Variants in TTLL11 observed in about 807,000 individuals in gnomAD.
The protein encoded by TTLL11 is tubulin tyrosine ligase like 11.
TTLL11 carries 42 observed loss-of-function variants against 51.7 expected under a neutral mutation model. The observed-to-expected ratio is 0.81, with a 90% CI of 0.64 to 1.05. The LOEUF is 1.05. Among genes scored for constraint, TTLL11 ranks in the 50% least tolerant of loss-of-function variants. The probability of loss-of-function intolerance (pLI) is 0.00; values close to 1 mark genes in which losing one functional copy is unlikely to be tolerated. For missense variants in TTLL11, 799 were observed against 940.4 expected (o/e 0.85, Z 1.97); for synonymous variants, 381 against 383.5 (o/e 0.99, Z 0.08).
chr9:122,039,516 C>T, intron 1 of TTLL11, 148 bp from the exon 2 acceptor site: 1 of 592,432 alleles, frequency 1.7e-6, no homozygotes, highest in Admixed American at 3.1e-5. Flanking sequence ...ATATTCTTTG[C>T]CATTTTACAG....
At chr9:121,993,929 C>A (rs960490417) in intron 3 of TTLL11, among the ~76,000 whole-genome samples, 4 of 152,288 alleles carry the variant, frequency 2.6e-5, no homozygotes, top group African/African-American at 9.6e-5. Context: ...GTCACAGGTA[C>A]ACGCTACAGA....
At chr9:122,017,705 C>T (rs1052130948) in intron 3 of TTLL11, among the ~76,000 whole-genome samples, 1 of 152,148 alleles carries the variant, frequency 6.6e-6, no homozygotes, top group African/African-American at 2.4e-5. Flanking sequence ...TTGTGATCTG[C>T]CTGTCTTGGC....
intron 8 of TTLL11, among the ~76,000 whole-genome samples, chr9:121,842,021 C>A (rs985876333): frequency 2.6e-5 from 4 of 152,112 alleles, no homozygotes; most frequent in Admixed American, 2.6e-4. Context: ...CTGCCTTCTT[C>A]CACCTCTCAG....
chr9:122,035,459 C>G (rs935168663), intron 2 of TTLL11, among the ~76,000 whole-genome samples: 1 of 152,254 alleles, frequency 6.6e-6, no homozygotes, highest in African/African-American at 2.4e-5. Flanking sequence ...AGTTAACTGA[C>G]AGCATAACAG....
At chr9:121,973,366 G>A (rs1398310352) in intron 6 of TTLL11, among the ~76,000 whole-genome samples, 1 of 152,194 alleles carries the variant, frequency 6.6e-6, no homozygotes, top group Non-Finnish European at 1.5e-5. Context: ...CCATGTCCTA[G>A]TTACCTATGG....
At chr9:121,889,698 G>C (rs2131438870) in intron 6 of TTLL11, among the ~76,000 whole-genome samples, 1 of 152,316 alleles carries the variant, frequency 6.6e-6, no homozygotes, top group South Asian at 2.1e-4. Context: ...TCAGGAGTTT[G>C]AGACCAGCCT....
rs146217453 is a variant in TTLL11 at position 121,987,183 on chromosome 9, C to T, written c.1269+2012G>A. 6.4e-3 allele frequency among the ~76,000 whole-genome samples: 970 copies of T among 152,200 alleles called. 10 individuals carry two copies. The highest frequency in any genetic ancestry group is 0.023 in the African/African-American group (943 of 41,506). On this transcript the variant is annotated intron_variant, in intron 4 of 8. Transcript: ENST00000321582. The stretch of plus-strand genomic sequence containing the variant: ...GGGTAATGTCTACCCCAGGGCTGGG[C>T]AGGGACATGGTTTGGGGCAGAAACA...
In TTLL11 at chr9:121,931,583, T is replaced by TAA. The variant is rs1564311677; in HGVS notation, c.1481+42425_1481+42426insTT. On this transcript the variant is annotated intron_variant, in intron 6 of 8. Coordinates refer to ENST00000321582, the MANE Select transcript of TTLL11 (RefSeq NM_001139442.2). ...CATGGTAAAACCCTGTTTCTACTATTTAAAAAAAAAAAAAAAAAAAAAGAA... is the reference window on the plus strand; with the variant it reads ...CATGGTAAAACCCTGTTTCTACTATTAATAAAAAAAAAAAAAAAAAAAAAGAA... 7.0e-3 allele frequency among the ~76,000 whole-genome samples: 722 copies of TAA among 103,716 alleles called. 32 individuals carry two copies. The highest frequency in any genetic ancestry group is 8.3e-3 in the East Asian group (32 of 3,856). The allele number at this position is 103,716 out of a possible 152,430, so 68.0% of individuals were successfully genotyped here.
intron 6 of TTLL11, among the ~76,000 whole-genome samples, chr9:121,968,548 ACTTT>A (rs897953297): frequency 3.3e-5 from 5 of 152,142 alleles, no homozygotes; most frequent in African/African-American, 4.8e-5. Flanking sequence ...TCCAGTAGAT[ACTTT>A]CTTTCTTTTT....
In TTLL11 at chr9:121,908,129, A is replaced by G. The variant is rs571769910; in HGVS notation, c.1482-37381T>C. ...ACATAAAGAATGTGGAATGCATAAG[A>G]AAAAGGGGAAGACACCTTCTTCTGG... On this transcript the variant is annotated intron_variant, in intron 6 of 8. Coordinates refer to ENST00000321582, the MANE Select transcript of TTLL11 (RefSeq NM_001139442.2). Among the ~76,000 whole-genome samples the G allele has an allele frequency of 1.2e-4, 19 of 152,330 alleles. 1 individual carries two copies. The highest frequency in any genetic ancestry group is 4.1e-4 in the African/African-American group (17 of 41,582).
At chr9:121,858,005 G>C (rs1379378612) in intron 8 of TTLL11, among the ~76,000 whole-genome samples, 5 of 152,038 alleles carry the variant, frequency 3.3e-5, no homozygotes, top group Non-Finnish European at 5.9e-5. Context: ...TCAGCTCACA[G>C]AGCAAACACT....
chr9:121,844,622 A>C (rs1418410654), intron 8 of TTLL11, among the ~76,000 whole-genome samples: 1 of 152,242 alleles, frequency 6.6e-6, no homozygotes, highest in African/African-American at 2.4e-5. Context: ...TAATGGAAAA[A>C]GTAGGCAACA....
chr9:121,982,938 T>C (rs775022565), intron 4 of TTLL11, among the ~76,000 whole-genome samples: 2 of 152,018 alleles, frequency 1.3e-5, no homozygotes, highest in African/African-American at 4.8e-5. Context: ...GAAAAAGCCA[T>C]TGGAGGGTTT....
intron 1 of TTLL11, among the ~76,000 whole-genome samples, chr9:122,052,504 A>T (rs983852637): frequency 6.6e-6 from 1 of 152,218 alleles, no homozygotes; most frequent in Admixed American, 6.5e-5. Context: ...ACCACCTAGC[A>T]CGGGGCCTGG....
chr9:122,039,369 C>A lies in TTLL11; in HGVS notation c.463-1G>T. On this transcript the variant is annotated splice_acceptor_variant, in intron 1 of 8. Transcript: ENST00000321582. LOFTEE classifies it high-confidence loss of function. ...AAGGCAAGCGCCGGCCAAATGGGAACTAGAAGAGAAAAAATGTGACTCGCA... is the reference window on the plus strand; with the variant it reads ...AAGGCAAGCGCCGGCCAAATGGGAAATAGAAGAGAAAAAATGTGACTCGCA... 1 of 1,612,882 alleles carries A rather than the reference C, an allele frequency of 6.2e-7. No homozygotes were observed. Among genetic ancestry groups the A allele is most frequent in the East Asian group, 2.2e-5 (1 of 44,874 alleles).
chr9:121,853,350 G>A lies in TTLL11; in HGVS notation c.1840+6987C>T, dbSNP rs953954060. Among the ~76,000 whole-genome samples the A allele has an allele frequency of 7.2e-5, 11 of 152,070 alleles. No homozygotes were observed. The highest frequency in any genetic ancestry group is 1.5e-4 in the Non-Finnish European group (10 of 68,018). On this transcript the variant is annotated intron_variant, in intron 8 of 8. Transcript: ENST00000321582. The surrounding 1 kb of genome is among the most constrained non-coding windows in gnomAD (Gnocchi z 5.6). ...AATGTGTGCTGTGGTCAAGGGCAGC[G>A]CTGGGTGCTGCGGAGCAGGTGAGAC...
Position 121,826,569 on chromosome 9 carries a change from A to G in TTLL11, c.1841-3690T>C, listed in dbSNP as rs1232654471. Among the ~76,000 whole-genome samples the G allele has an allele frequency of 1.7e-4, 19 of 109,774 alleles. 2 individuals are homozygous for G. The highest frequency in any genetic ancestry group is 7.2e-4 in the African/African-American group (19 of 26,450). 72.0% of individuals were successfully genotyped at this position (109,774 alleles called of 152,430 possible). A position where few individuals can be genotyped will look rare whatever the true frequency, so the allele number is the denominator to read the frequency against. On this transcript the variant is annotated intron_variant, in intron 8 of 8. Transcript: ENST00000321582. ...TATATATGTGTGTGTATATATATAT[A>G]TATATATATATATGTATATGGTTTT...
intron 6 of TTLL11, among the ~76,000 whole-genome samples, chr9:121,915,520 C>T (rs1228173481): frequency 6.6e-6 from 1 of 152,190 alleles, no homozygotes; most frequent in African/African-American, 2.4e-5. Context: ...AGATAGATGC[C>T]TGTCCTTCCT....
chr9:121,913,382 T>A (rs1195311666), intron 6 of TTLL11, among the ~76,000 whole-genome samples: 1 of 152,206 alleles, frequency 6.6e-6, no homozygotes, highest in Non-Finnish European at 1.5e-5. Flanking sequence ...AATTACATAG[T>A]ACATCACTGT....
Sources: gnomAD v4.1 joint callset for allele counts (sites outside exome capture counted in the v4.1 genomes callset) on GRCh38, gnomAD v4.1.1 for gene constraint, Gnocchi (gnomAD v3.1) non-coding constraint, MANE v1.5 for transcripts, NCBI Gene and HGNC (gene_info 2026-07-23, HGNC 2026-07-21) for gene names.